Variants in CTNNA2 observed in about 807,000 individuals in gnomAD.
CTNNA2 encodes the protein catenin alpha-2.
Under a neutral mutation model 101.0 loss-of-function variants are expected in CTNNA2, and 42 were observed. That is an observed-to-expected ratio of 0.42 (90% CI 0.32 to 0.54). The LOEUF (loss-of-function observed/expected upper bound fraction) is 0.54, where lower values mean the gene tolerates loss of function less well. Ranked by LOEUF, CTNNA2 falls within the 20% of genes least tolerant of loss-of-function variation. The pLI is 0.14. For synonymous variants in CTNNA2, 450 were observed against 456.4 expected (o/e 0.99, Z 0.18); for missense variants, 871 against 1,223.1 (o/e 0.71, Z 4.29).
chr2:80,568,033 C>T (rs1424598350), intron 12 of CTNNA2, among the ~76,000 whole-genome samples: 1 of 152,088 alleles, frequency 6.6e-6, no homozygotes, highest in Non-Finnish European at 1.5e-5. Flanking sequence ...TTGGGTGACC[C>T]CTGTGCATGC....
intron 7 of CTNNA2, among the ~76,000 whole-genome samples, chr2:79,949,549 C>G: frequency 6.6e-6 from 1 of 152,166 alleles, no homozygotes; most frequent in East Asian, 1.9e-4. Context: ...AGGAGGATCA[C>G]TTGAGCCCAG....
chr2:80,045,892 GACAGTC>G (rs147804820), intron 7 of CTNNA2, among the ~76,000 whole-genome samples: 2,901 of 152,210 alleles, frequency 0.019, 52 homozygotes, highest in Non-Finnish European at 0.027. Context: ...AATCAACCTC[GACAGTC>G]ACTATTGTGG....
At chr2:79,663,139 T>A (rs547994915) in intron 2 of CTNNA2, among the ~76,000 whole-genome samples, 1 of 152,146 alleles carries the variant, frequency 6.6e-6, no homozygotes, top group Non-Finnish European at 1.5e-5. Context: ...CCTTAGCTCT[T>A]CTTTGCTCAG....
At chr2:79,479,704 C>T (rs191656448) in intron 4 of CTNNA2, among the ~76,000 whole-genome samples, 4 of 152,122 alleles carry the variant, frequency 2.6e-5, no homozygotes, top group African/African-American at 9.6e-5. Context: ...GGGCGGATTG[C>T]CTGAGGTCAG....
chr2:79,690,347 C>G (rs904162352), intron 2 of CTNNA2, among the ~76,000 whole-genome samples: 1 of 151,800 alleles, frequency 6.6e-6, no homozygotes, highest in Non-Finnish European at 1.5e-5. Context: ...AAATGTTACT[C>G]AAAAATAAAG....
chr2:80,216,032 A>C (rs1018497737), intron 7 of CTNNA2, among the ~76,000 whole-genome samples: 1 of 152,204 alleles, frequency 6.6e-6, no homozygotes, highest in African/African-American at 2.4e-5. Flanking sequence ...GCAGTGAGCG[A>C]GGCTCCATGG....
rs1676380964 is a variant in CTNNA2, at chr2:80,302,158, C to G, written c.1057-91053C>G. The G allele has an allele frequency of 2.0e-6, 3 of 1,479,472 alleles. No individual in the cohort carries two copies. Among genetic ancestry groups the G allele is most frequent in the Admixed American group, 4.2e-5 (2 of 47,242 alleles). 91.6% of individuals were successfully genotyped at this position (1,479,472 alleles called of 1,614,324 possible). ...GTTTCAGTCAAGGAGCATATCAGAGCACAGACAAGGAGACCCCAGCCTGGT... is the reference window on the plus strand; with the variant it reads ...GTTTCAGTCAAGGAGCATATCAGAGGACAGACAAGGAGACCCCAGCCTGGT... On this transcript the variant is annotated intron_variant, in intron 7 of 18. Coordinates refer to ENST00000402739, the MANE Select transcript of CTNNA2 (RefSeq NM_001282597.3). This position sits in a 1 kb window ranked among gnomAD's most constrained non-coding sequence, Gnocchi z 6.4.
At chr2:79,540,743 A>G (rs1352543700) in intron 1 of CTNNA2, among the ~76,000 whole-genome samples, 2 of 152,206 alleles carry the variant, frequency 1.3e-5, no homozygotes, top group Non-Finnish European at 2.9e-5. Context: ...TCGCTTATAC[A>G]TTTAAAAAAG....
At chr2:80,581,656 G>T in intron 13 of CTNNA2, 50 bp from the exon 14 acceptor site, 1 of 1,155,596 alleles carries the variant, frequency 8.7e-7, no homozygotes, top group South Asian at 1.2e-5. Context: ...TGTGGATGGG[G>T]GTGAAGATTA....
intron 1 of CTNNA2, among the ~76,000 whole-genome samples, chr2:79,630,249 G>A (rs1679599897): frequency 6.6e-6 from 1 of 152,184 alleles, no homozygotes; most frequent in Admixed American, 6.5e-5. Flanking sequence ...GCCCCCTCCT[G>A]TTGGGGACTG....
chr2:79,624,264 T>C (rs1679171789), intron 1 of CTNNA2, among the ~76,000 whole-genome samples: 1 of 152,216 alleles, frequency 6.6e-6, no homozygotes, highest in African/African-American at 2.4e-5. Context: ...GCTATATTCA[T>C]TAAGAAGAGC....
intron 2 of CTNNA2, among the ~76,000 whole-genome samples, chr2:79,307,612 C>T (rs1447476268): frequency 1.3e-5 from 2 of 152,094 alleles, no homozygotes; most frequent in Non-Finnish European, 2.9e-5. Flanking sequence ...CTTTTCTTTA[C>T]CCATCTGTTG....
intron 8 of CTNNA2, among the ~76,000 whole-genome samples, chr2:80,406,665 A>G (rs536081726): frequency 4.0e-5 from 6 of 151,822 alleles, no homozygotes; most frequent in Non-Finnish European, 8.8e-5. Flanking sequence ...TCTCTACTAA[A>G]AAATACAAAA....
chr2:79,422,068 G>T (rs747969868), intron 4 of CTNNA2, among the ~76,000 whole-genome samples: 1 of 152,036 alleles, frequency 6.6e-6, no homozygotes, highest in Non-Finnish European at 1.5e-5. Flanking sequence ...CAGGAGAATC[G>T]CTTGAACCTG....
chr2:79,837,802 G>T (rs1281592827), intron 3 of CTNNA2, among the ~76,000 whole-genome samples: 1 of 151,800 alleles, frequency 6.6e-6, no homozygotes, highest in Non-Finnish European at 1.5e-5. Flanking sequence ...TTTAGCCTAT[G>T]GGAAAATAAT....
chr2:80,538,602 G>C (rs1388398582), intron 9 of CTNNA2, among the ~76,000 whole-genome samples: 1 of 152,168 alleles, frequency 6.6e-6, no homozygotes, highest in Non-Finnish European at 1.5e-5. Context: ...TTTGGTACCA[G>C]CACCATGCTG....
Position 80,596,609 on chromosome 2 carries a change from G to A in CTNNA2, c.2189+7124G>A, listed in dbSNP as rs1393914029. ...TTACAGGCCTGAGCCACCGCACCAG[G>A]CCAACAAGGGGTTTTTCTAAGTACA... On this transcript the variant is annotated intron_variant, in intron 15 of 18. Transcript: ENST00000402739. Among the ~76,000 whole-genome samples the A allele has an allele frequency of 2.0e-5, 3 of 151,928 alleles. No homozygotes were observed. The East Asian group carries it at 5.8e-4, about 30-fold the overall frequency.
chr2:79,924,209 T>A lies in CTNNA2; in HGVS notation c.1056+14412T>A, dbSNP rs535362320. Among the ~76,000 whole-genome samples the A allele has an allele frequency of 3.3e-5, 5 of 151,896 alleles. No individual in the cohort carries two copies. The South Asian group carries it at 1.0e-3, about 32-fold the overall frequency. On this transcript the variant is annotated intron_variant, in intron 7 of 18. Transcript: ENST00000402739. ...GTGTAACTGCTTTTTAAATAGAGTT[T>A]CAAGGAATCATCTTTTTTAAAACCT...
At chr2:79,487,955 C>T (rs549129239) in intron 4 of CTNNA2, among the ~76,000 whole-genome samples, 67 of 152,192 alleles carry the variant, frequency 4.4e-4, no homozygotes, top group Non-Finnish European at 2.5e-4. Context: ...CTTTGGCTTA[C>T]GACACAAAGT....
Sources: gnomAD v4.1 joint callset for allele counts (sites outside exome capture counted in the v4.1 genomes callset) on GRCh38, gnomAD v4.1.1 for gene constraint, Gnocchi (gnomAD v3.1) non-coding constraint, MANE v1.5 for transcripts, NCBI Gene and HGNC (gene_info 2026-07-23, HGNC 2026-07-21) for gene names.